Variants in PPP1R9A observed in about 807,000 individuals in gnomAD.
PPP1R9A encodes the protein neurabin-1.
A neutral mutation model predicts 141.9 loss-of-function variants in PPP1R9A; 59 were observed. The observed-to-expected ratio is 0.42, with a 90% CI of 0.34 to 0.52. PPP1R9A has a LOEUF of 0.52. Ranked by LOEUF, PPP1R9A falls within the 20% of genes least tolerant of loss-of-function variation. PPP1R9A has a pLI of 0.10. For missense variants in PPP1R9A, 1,444 were observed against 1,611.9 expected, an observed-to-expected ratio of 0.90 and a Z score of 1.78; for synonymous variants, 500 against 569.7, an observed-to-expected ratio of 0.88 and a Z score of 1.74.
rs1349944922 is a variant in PPP1R9A, at chr7:95,251,812, A to G, written c.2447A>G (p.Asp816Gly). 6.2e-6 allele frequency: 10 copies of G among 1,613,868 alleles called. No individual in the cohort carries two copies. Among genetic ancestry groups the G allele is most frequent in the Non-Finnish European group, 7.6e-6 (9 of 1,179,928 alleles). Residue 816 changes from aspartate (D) to glycine (G), a missense_variant, in exon 11 of 20, where the codon GAT (aspartate) becomes GGT (glycine). Around this residue, in one of 5 missense-constraint regions of PPP1R9A, gnomAD observed 488 missense variants for 542.0 expected, o/e 0.90. Transcript: ENST00000433360. Reference sequence around the variant, plus strand: ...GAAGCAGAAAGAAAGAAAATAGAAGATTTGGAAAAAGCTCATCTTGTGGAA... The same window carrying G: ...GAAGCAGAAAGAAAGAAAATAGAAGGTTTGGAAAAAGCTCATCTTGTGGAA... ...RQEAERKKIE[D>G]LEKAHLVEVQ...
intron 16 of PPP1R9A, among the ~76,000 whole-genome samples, chr7:95,277,173 C>G (rs543203637): frequency 1.2e-4 from 18 of 152,276 alleles, no homozygotes; most frequent in African/African-American, 4.1e-4. Flanking sequence ...GATCATTGGT[C>G]AGCTATAACC....
chr7:95,197,503 T>C (rs1836452166), intron 5 of PPP1R9A, among the ~76,000 whole-genome samples: 4 of 152,028 alleles, frequency 2.6e-5, no homozygotes, highest in Admixed American at 1.3e-4. Flanking sequence ...ATACTATCTT[T>C]CCCCCCAAAG....
chr7:95,159,748 C>T (rs1342254766), intron 4 of PPP1R9A, among the ~76,000 whole-genome samples: 1 of 151,456 alleles, frequency 6.6e-6, no homozygotes, highest in African/African-American at 2.4e-5. Flanking sequence ...ATGATGAAAC[C>T]CCATCTCTAC....
intron 5 of PPP1R9A, among the ~76,000 whole-genome samples, chr7:95,193,345 C>T (rs924316813): frequency 4.6e-5 from 7 of 152,004 alleles, no homozygotes; most frequent in Admixed American, 4.6e-4. Flanking sequence ...GTCTTATGCG[C>T]AATTATAAAT....
At chr7:95,037,632 T>A (rs1245143237) in intron 2 of PPP1R9A, among the ~76,000 whole-genome samples, 1 of 152,212 alleles carries the variant, frequency 6.6e-6, no homozygotes, top group African/African-American at 2.4e-5. Context: ...TTGAATATGC[T>A]CTATTCATAC....
At chr7:94,959,551 ATTAC>A (rs1212278899) in intron 2 of PPP1R9A, among the ~76,000 whole-genome samples, 1 of 151,668 alleles carries the variant, frequency 6.6e-6, no homozygotes, top group Non-Finnish European at 1.5e-5. Flanking sequence ...TTGATTTTTA[ATTAC>A]TTTTCTGAGA....
At chr7:95,266,873 A>G (rs189792843) in intron 12 of PPP1R9A, among the ~76,000 whole-genome samples, 1 of 152,166 alleles carries the variant, frequency 6.6e-6, no homozygotes, top group African/African-American at 2.4e-5. Context: ...TGAACTCTTA[A>G]TGGGCAGCTA....
chr7:95,240,097 G>GT lies in PPP1R9A; in HGVS notation c.2113-7375dup, dbSNP rs549300550. Among the ~76,000 whole-genome samples, 445 of 152,020 alleles carry GT rather than the reference G, an allele frequency of 2.9e-3. 1 individual carries two copies. The highest frequency in any genetic ancestry group is 0.017 in the Middle Eastern group (5 of 294). On this transcript the variant is annotated intron_variant, in intron 8 of 19. Coordinates refer to ENST00000433360, the MANE Select transcript of PPP1R9A (RefSeq NM_001166160.2). ...AGTATATCTTTAAGTAATTTGTTAA[G>GT]TATTTGTGGAGGATATAGTTTCCAT... is the stretch of plus-strand genomic sequence containing the variant.
chr7:95,202,596 C>A, intron 6 of PPP1R9A: 1 of 912,072 alleles, frequency 1.1e-6, no homozygotes, highest in Non-Finnish European at 1.3e-6. Context: ...TTCAATAAAT[C>A]TCTCAGACAA....
chr7:95,166,950 A>G (rs542188707), intron 5 of PPP1R9A, among the ~76,000 whole-genome samples: 2 of 152,212 alleles, frequency 1.3e-5, no homozygotes, highest in African/African-American at 4.8e-5. Context: ...AAAACATTTG[A>G]TAAAATTCAG....
intron 2 of PPP1R9A, among the ~76,000 whole-genome samples, chr7:94,974,990 A>G (rs1444118286): frequency 6.6e-6 from 1 of 152,220 alleles, no homozygotes; most frequent in Non-Finnish European, 1.5e-5. Flanking sequence ...ATGTCCCTAT[A>G]TATAAATGAT....
intron 2 of PPP1R9A, among the ~76,000 whole-genome samples, chr7:95,007,939 G>T (rs1803855569): frequency 6.6e-6 from 1 of 152,094 alleles, no homozygotes; most frequent in African/African-American, 2.4e-5. Flanking sequence ...GGGCGTGGTG[G>T]TGCATGCCTG....
At chr7:95,265,444 G>C (rs1377068987) in intron 12 of PPP1R9A, among the ~76,000 whole-genome samples, 3 of 152,170 alleles carry the variant, frequency 2.0e-5, no homozygotes, top group African/African-American at 7.2e-5. Flanking sequence ...ATTTTGAGTT[G>C]TAATATTAGG....
intron 2 of PPP1R9A, among the ~76,000 whole-genome samples, chr7:94,922,160 G>A (rs1243866260): frequency 6.7e-6 from 1 of 150,306 alleles, no homozygotes; most frequent in Non-Finnish European, 1.5e-5. Flanking sequence ...TTATTTTAAA[G>A]CCCTTTATAT....
At chr7:94,922,156 T>C (rs1792927754) in intron 2 of PPP1R9A, among the ~76,000 whole-genome samples, 1 of 150,760 alleles carries the variant, frequency 6.6e-6, no homozygotes, top group South Asian at 2.1e-4. Flanking sequence ...AAAATTATTT[T>C]AAAGCCCTTT....
intron 7 of PPP1R9A, among the ~76,000 whole-genome samples, chr7:95,216,823 C>T (rs1211661436): frequency 6.6e-6 from 1 of 152,124 alleles, no homozygotes; most frequent in Non-Finnish European, 1.5e-5. Flanking sequence ...GTTTTGTATC[C>T]TGAGACTTTG....
At chr7:95,086,962 C>G (rs1816711503) in intron 2 of PPP1R9A, among the ~76,000 whole-genome samples, 1 of 151,908 alleles carries the variant, frequency 6.6e-6, no homozygotes, top group South Asian at 2.1e-4. Context: ...GAGGGAGGAT[C>G]TCTCCAGCCC....
At chr7:94,985,336 G>C (rs1800680633) in intron 2 of PPP1R9A, among the ~76,000 whole-genome samples, 1 of 152,160 alleles carries the variant, frequency 6.6e-6, no homozygotes, top group Non-Finnish European at 1.5e-5. Context: ...ATGTCTATTA[G>C]GTCTGCTTGG....
At chr7:95,277,204 G>A (rs1376671423) in intron 16 of PPP1R9A, among the ~76,000 whole-genome samples, 4 of 152,140 alleles carry the variant, frequency 2.6e-5, no homozygotes, top group Non-Finnish European at 5.9e-5. Context: ...AGATTTTAAA[G>A]AGGCAAGACT....
Sources: allele counts gnomAD v4.1 joint callset (sites outside exome capture counted in the v4.1 genomes callset), GRCh38; gene constraint gnomAD v4.1.1; regional missense constraint gnomAD v4.1.1; transcripts MANE v1.5; gene names NCBI Gene and HGNC (gene_info 2026-07-23, HGNC 2026-07-21).